RGSL1: variants seen among roughly 807,000 people sequenced by gnomAD.
The protein encoded by RGSL1 is regulator of G protein signaling like 1.
In RGSL1, 97 loss-of-function variants were observed where a neutral mutation model predicts 124.7. The observed-to-expected ratio is 0.78, with a 90% CI of 0.66 to 0.92. RGSL1 has a LOEUF of 0.92. Among genes scored for constraint, RGSL1 ranks in the 40% least tolerant of loss-of-function variants. The probability of loss-of-function intolerance (pLI) is 0.00; values close to 1 mark genes in which losing one functional copy is unlikely to be tolerated. For missense variants in RGSL1, 1,233 were observed against 1,288.4 expected (o/e 0.96, Z 0.66); for synonymous variants, 424 against 438.1 (o/e 0.97, Z 0.40).
chr1:182,530,526 G>GACACACACAC (rs1351535181), intron 12 of RGSL1, among the ~76,000 whole-genome samples, 165 bp downstream of exon 12: 13 of 63,988 alleles, frequency 2.0e-4, no homozygotes, highest in East Asian at 1.5e-3. Context: ...CTATCTATCT[G>GACACACACAC]ACACACACAC....
intron 9 of RGSL1, among the ~76,000 whole-genome samples, chr1:182,514,936 G>T (rs557444985): frequency 2.8e-4 from 42 of 152,310 alleles, no homozygotes; most frequent in Non-Finnish European, 5.4e-4. Flanking sequence ...ATAAGCTGGG[G>T]GTGGTGAAGA....
chr1:182,540,236 TTCTC>T lies in RGSL1; in HGVS notation c.2495-6_2495-3del, dbSNP rs1432406117. On this transcript the variant is annotated splice_polypyrimidine_tract_variant and splice_region_variant and intron_variant, in intron 14 of 21. Transcript: ENST00000294854. ...AAACAAAATTGTAATTCCTTCTTCT[TTCTC>T]TCTCAGATTTCACCACAGCACACAA... 2.0e-6 allele frequency: 3 copies of T among 1,530,942 alleles called. No individual in the cohort carries two copies. The highest frequency in any genetic ancestry group is 2.6e-6 in the Non-Finnish European group (3 of 1,138,632). 94.8% of individuals were successfully genotyped at this position (1,530,942 alleles called of 1,614,324 possible).
chr1:182,493,919 G>T lies in RGSL1; in HGVS notation c.1825+790G>T, dbSNP rs1271147632. On this transcript the variant is annotated intron_variant, in intron 9 of 21. Coordinates refer to ENST00000294854, the MANE Select transcript of RGSL1 (RefSeq NM_001137669.2). Reference sequence around the variant, plus strand: ...CTTGGAGTAGCTCCTCCAGGAATCTGATAGTTTCTTGTCCTGGGAAACGTA... The same window carrying T: ...CTTGGAGTAGCTCCTCCAGGAATCTTATAGTTTCTTGTCCTGGGAAACGTA... Among the ~76,000 whole-genome samples the T allele has an allele frequency of 2.0e-5, 3 of 152,146 alleles. No individual in the cohort carries two copies. The East Asian group carries it at 5.8e-4, about 29-fold the overall frequency.
intron 14 of RGSL1, among the ~76,000 whole-genome samples, chr1:182,538,067 C>T (rs1659659479): frequency 6.6e-6 from 1 of 152,172 alleles, no homozygotes; most frequent in Non-Finnish European, 1.5e-5. Flanking sequence ...GAGTAGGGCT[C>T]ACTCATTTTT....
intron 9 of RGSL1, among the ~76,000 whole-genome samples, chr1:182,505,422 C>T (rs1033411766): frequency 1.3e-5 from 2 of 152,136 alleles, no homozygotes; most frequent in African/African-American, 4.8e-5. Flanking sequence ...ACTTTCTTTA[C>T]CACAATGCAT....
intron 4 of RGSL1, among the ~76,000 whole-genome samples, chr1:182,462,342 CT>C (rs1224015587): frequency 6.6e-6 from 1 of 152,104 alleles, no homozygotes; most frequent in African/African-American, 2.4e-5. Context: ...GCAAGAAATG[CT>C]CAAGAGAGTC....
At chr1:182,485,343 T>G (rs1039054932) in intron 6 of RGSL1, among the ~76,000 whole-genome samples, 2 of 152,214 alleles carry the variant, frequency 1.3e-5, no homozygotes, top group African/African-American at 4.8e-5. Flanking sequence ...CCTTTTGTTA[T>G]TTTAACTTTT....
chr1:182,463,313 G>T (rs991279888), intron 4 of RGSL1, among the ~76,000 whole-genome samples: 3 of 148,840 alleles, frequency 2.0e-5, no homozygotes, highest in African/African-American at 7.4e-5. Context: ...AAAAAAAAAG[G>T]AAATTAACTT....
intron 18 of RGSL1, 130 bp from the exon 19 acceptor site, chr1:182,553,325 G>C: frequency 1.5e-6 from 1 of 682,202 alleles, no homozygotes; most frequent in Non-Finnish European, 2.5e-6. Context: ...TTTAGATTTA[G>C]ATAATGTTTT....
At chr1:182,499,368 A>G (rs1656180212) in intron 9 of RGSL1, among the ~76,000 whole-genome samples, 1 of 152,218 alleles carries the variant, frequency 6.6e-6, no homozygotes, top group South Asian at 2.1e-4. Context: ...TATTGGGTGC[A>G]TACATATATA....
chr1:182,499,082 G>A (rs563710054), intron 9 of RGSL1, among the ~76,000 whole-genome samples: 14 of 152,230 alleles, frequency 9.2e-5, no homozygotes, highest in Non-Finnish European at 1.3e-4. Context: ...CGCGAGCCCC[G>A]GCACCTGGCT....
intron 21 of RGSL1, among the ~76,000 whole-genome samples, chr1:182,559,607 G>A (rs1157934021): frequency 6.6e-6 from 1 of 152,176 alleles, no homozygotes. Flanking sequence ...CAGCGTGAAA[G>A]CTTTTATTCC....
intron 10 of RGSL1, among the ~76,000 whole-genome samples, chr1:182,527,119 A>G (rs1264306627): frequency 2.0e-5 from 3 of 152,194 alleles, no homozygotes; most frequent in Admixed American, 6.5e-5. Context: ...TTACCCAGGA[A>G]AAACCATAAG....
At chr1:182,469,054 A>C (rs1247729644) in intron 4 of RGSL1, among the ~76,000 whole-genome samples, 1 of 152,148 alleles carries the variant, frequency 6.6e-6, no homozygotes, top group Admixed American at 6.6e-5. Context: ...TTAAGGCATA[A>C]AACTATAAAA....
intron 18 of RGSL1, among the ~76,000 whole-genome samples, chr1:182,553,157 A>G (rs266543): frequency 0.42 from 63,218 of 151,600 alleles, 13,503 homozygotes; most frequent in African/African-American, 0.47. Flanking sequence ...ACTTGCCTCG[A>G]CCTCCTAAAC....
intron 21 of RGSL1, among the ~76,000 whole-genome samples, chr1:182,559,366 C>T (rs1366132060): frequency 6.6e-6 from 1 of 152,166 alleles, no homozygotes; most frequent in Non-Finnish European, 1.5e-5. Flanking sequence ...TCAACTCATT[C>T]CTCTGCCTCC....
At chr1:182,539,221 C>T (rs147051646) in intron 14 of RGSL1, among the ~76,000 whole-genome samples, 1 of 152,208 alleles carries the variant, frequency 6.6e-6, no homozygotes, top group Non-Finnish European at 1.5e-5. Context: ...GAATTTATCA[C>T]CCTCTTTTCC....
At chr1:182,517,021 G>A (rs567762) in intron 9 of RGSL1, among the ~76,000 whole-genome samples, 131,478 of 152,100 alleles carry the variant, frequency 0.86, 57,149 homozygotes, top group Non-Finnish European at 0.89. Context: ...AGATCAAAGA[G>A]TTCCCTTTAG....
intron 8 of RGSL1, among the ~76,000 whole-genome samples, chr1:182,491,074 A>G (rs910547736): frequency 1.3e-5 from 2 of 149,808 alleles, no homozygotes; most frequent in African/African-American, 4.9e-5. Context: ...TTTTTTGTAG[A>G]GATGGGTCTT....
Sources: gnomAD v4.1 joint callset for allele counts (sites outside exome capture counted in the v4.1 genomes callset) on GRCh38, gnomAD v4.1.1 for gene constraint, MANE v1.5 for transcripts, NCBI Gene and HGNC (gene_info 2026-07-23, HGNC 2026-07-21) for gene names.